The following MEF2C variants were observed in gnomAD, a reference collection of about 807,000 sequenced individuals.
MEF2C encodes the protein myocyte-specific enhancer factor 2C.
MEF2C carries 6 observed loss-of-function variants against 50.5 expected under a neutral mutation model. That is an observed-to-expected ratio of 0.12 (90% confidence interval 0.07 to 0.23). MEF2C has a LOEUF of 0.23. Among genes scored for constraint, MEF2C ranks in the 10% least tolerant of loss-of-function variants. MEF2C has a pLI of 1.00. For missense variants in MEF2C, 276 were observed against 605.0 expected, an observed-to-expected ratio of 0.46 and a Z score of 5.70; for synonymous variants, 183 against 228.0, an observed-to-expected ratio of 0.80 and a Z score of 1.78.
chr5:88,785,938 G>A (rs148881191), intron 3 of MEF2C, among the ~76,000 whole-genome samples: 2 of 151,988 alleles, frequency 1.3e-5, no homozygotes, highest in South Asian at 2.1e-4. Flanking sequence ...CTTTATCATC[G>A]CCCGCATTCT....
chr5:88,849,932 A>AT (rs1212743591), intron 1 of MEF2C, among the ~76,000 whole-genome samples: 9 of 151,888 alleles, frequency 5.9e-5, no homozygotes, highest in Admixed American at 1.3e-4. Context: ...AGCAAAATTT[A>AT]TTTTTTTTGT....
chr5:88,767,384 C>T (rs1780502837), intron 3 of MEF2C, among the ~76,000 whole-genome samples: 1 of 149,698 alleles, frequency 6.7e-6, no homozygotes. Flanking sequence ...GTACCATAGT[C>T]CCTTTTCTTT....
intron 1 of MEF2C, among the ~76,000 whole-genome samples, chr5:88,869,296 C>CGTATATAT (rs1828665479): frequency 1.9e-5 from 2 of 104,862 alleles, no homozygotes; most frequent in Non-Finnish European, 3.8e-5. Context: ...TATATATATA[C>CGTATATAT]ACATATATAT....
At chr5:88,752,310 T>C (rs1164580500) in intron 4 of MEF2C, among the ~76,000 whole-genome samples, 11 of 152,236 alleles carry the variant, frequency 7.2e-5, no homozygotes, top group Admixed American at 7.2e-4. Context: ...TGTCTTTGGA[T>C]TCCATTCTAT....
At chr5:88,767,695 ATAATCT>A (rs1215692330) in intron 3 of MEF2C, among the ~76,000 whole-genome samples, 5 of 152,158 alleles carry the variant, frequency 3.3e-5, no homozygotes, top group Admixed American at 6.5e-5. Flanking sequence ...TCCTCAAAAG[ATAATCT>A]TAATATTGGA....
chr5:88,862,331 G>T (rs1335856276), intron 1 of MEF2C, among the ~76,000 whole-genome samples: 1 of 152,040 alleles, frequency 6.6e-6, no homozygotes, highest in Admixed American at 6.6e-5. Context: ...CACACACAGA[G>T]ATACATGTGT....
chr5:88,856,535 C>A (rs374568682), intron 1 of MEF2C, among the ~76,000 whole-genome samples: 1 of 152,214 alleles, frequency 6.6e-6, no homozygotes, highest in East Asian at 1.9e-4. Flanking sequence ...TTCATGGCAG[C>A]CCTTCCTATC....
intron 6 of MEF2C, chr5:88,741,653 T>A: frequency 1.0e-6 from 1 of 975,238 alleles, no homozygotes; most frequent in Non-Finnish European, 1.2e-6. Flanking sequence ...CTCTTACTAC[T>A]ATATTATAAT....
At chr5:88,746,943 A>G (rs2152473191) in intron 6 of MEF2C, among the ~76,000 whole-genome samples, 1 of 152,320 alleles carries the variant, frequency 6.6e-6, no homozygotes, top group East Asian at 1.9e-4. Flanking sequence ...TCAAGATATA[A>G]TATTTATTAT....
rs1189190441 is a variant in MEF2C at position 88,734,584 on chromosome 5, T to TG, written c.638-2684_638-2683insC. 5.9e-4 allele frequency: 558 copies of TG among 947,862 alleles called. 1 individual carries two copies. The highest frequency in any genetic ancestry group is 6.7e-4 in the Non-Finnish European group (538 of 800,262). 58.7% of individuals were successfully genotyped at this position (947,862 alleles called of 1,614,324 possible). A position where few individuals can be genotyped will look rare whatever the true frequency, so the allele number is the denominator to read the frequency against. ...AAGTTTGTTTTTTTTTTTTTTTTTTTTTTTTTTTTTTTTTAGCATTTTCTA... is the reference window on the plus strand; with the variant it reads ...AAGTTTGTTTTTTTTTTTTTTTTTTTGTTTTTTTTTTTTTTAGCATTTTCTA... On this transcript the variant is annotated intron_variant, in intron 6 of 10. Coordinates refer to ENST00000504921, the MANE Select transcript of MEF2C (RefSeq NM_002397.5).
At chr5:88,890,843 G>T (rs1262309114) in intron 1 of MEF2C, among the ~76,000 whole-genome samples, 1 of 152,138 alleles carries the variant, frequency 6.6e-6, no homozygotes, top group Non-Finnish European at 1.5e-5. Flanking sequence ...ATAGGCAAGA[G>T]AAATCAGGCC....
intron 1 of MEF2C, among the ~76,000 whole-genome samples, chr5:88,843,912 C>T (rs555974272): frequency 7.3e-5 from 11 of 151,182 alleles, no homozygotes; most frequent in Admixed American, 1.3e-4. Context: ...TGGGTTCAAG[C>T]GATTCTCCTG....
At chr5:88,740,026 T>C in intron 6 of MEF2C, 1 of 985,368 alleles carries the variant, frequency 1.0e-6, no homozygotes, top group Non-Finnish European at 1.2e-6. Context: ...CATTTTGTGG[T>C]ATATTCTTAG....
chr5:88,733,153 A>G (rs1762408969), intron 6 of MEF2C: 2 of 985,356 alleles, frequency 2.0e-6, no homozygotes, highest in East Asian at 1.1e-4. Flanking sequence ...TGATCCAATA[A>G]AAGATTCACA....
chr5:88,875,162 G>A (rs1830678491), intron 1 of MEF2C, among the ~76,000 whole-genome samples: 1 of 151,926 alleles, frequency 6.6e-6, no homozygotes, highest in Non-Finnish European at 1.5e-5. Flanking sequence ...TCAGATACAA[G>A]GAATATTAGT....
intron 3 of MEF2C, among the ~76,000 whole-genome samples, chr5:88,766,040 ACATATT>A (rs1779898175): frequency 6.6e-6 from 1 of 152,218 alleles, no homozygotes. Flanking sequence ...ACAGAAGGTG[ACATATT>A]CCAAGCAATA....
intron 3 of MEF2C, 41 bp from the exon 4 acceptor site, chr5:88,761,369 C>A: frequency 6.3e-7 from 1 of 1,582,508 alleles, no homozygotes; most frequent in Non-Finnish European, 8.6e-7. Flanking sequence ...TAGACAAAGG[C>A]TGTAAGAGAC....
chr5:88,767,209 C>T (rs1034683199), intron 3 of MEF2C, among the ~76,000 whole-genome samples: 7 of 152,260 alleles, frequency 4.6e-5, no homozygotes, highest in East Asian at 1.9e-4. Flanking sequence ...CTGTTTTGTA[C>T]GCTTATGTGT....
chr5:88,785,006 C>T (rs559424695), intron 3 of MEF2C, among the ~76,000 whole-genome samples: 1 of 152,048 alleles, frequency 6.6e-6, no homozygotes, highest in African/African-American at 2.4e-5. Flanking sequence ...CTTTACAAGA[C>T]GGAAGGAGAC....
Sources: allele counts gnomAD v4.1 joint callset (sites outside exome capture counted in the v4.1 genomes callset), GRCh38; gene constraint gnomAD v4.1.1; transcripts MANE v1.5; gene names NCBI Gene and HGNC (gene_info 2026-07-23, HGNC 2026-07-21).